Variants in FOXF2 observed in about 807,000 individuals in gnomAD.
FOXF2 encodes the protein forkhead box F2, also known as forkhead box protein F2.
Under a neutral mutation model 29.1 loss-of-function variants are expected in FOXF2, and 15 were observed. The ratio of observed to expected loss-of-function variants is 0.52; its 90% CI spans 0.35 to 0.79. The LOEUF (loss-of-function observed/expected upper bound fraction) is 0.79, where lower values mean the gene tolerates loss of function less well. FOXF2 is among the 30% of genes least tolerant of loss of function. The probability of loss-of-function intolerance (pLI) is 0.01; values close to 1 mark genes in which losing one functional copy is unlikely to be tolerated. For missense variants in FOXF2, 675 were observed against 667.1 expected (o/e 1.01, Z -0.13); for synonymous variants, 337 against 316.5 (o/e 1.06, Z -0.69).
rs2113367199 is a variant in FOXF2, at chr6:1,390,089, T to C, written c.142T>C (p.Ser48Pro). Residue 48 changes from serine (S) to proline (P), a missense_variant, in exon 1 of 2, where the codon TCC becomes CCC. This residue lies in a region of FOXF2 where 220 missense variants were observed against 205.5 expected (regional missense o/e 1.07). Transcript: ENST00000645481. The surrounding 1 kb of genome is among the most constrained non-coding windows in gnomAD (Gnocchi z 8.5). ...AAAAPETTSS[S>P]SSSSSASCAS... The stretch of plus-strand genomic sequence containing the variant: ...CGCCGCCCCGGAGACCACCTCCTCC[T>C]CCTCGTCGTCGTCCTCCGCCTCCTG... The C allele has an allele frequency of 7.7e-6, 11 of 1,421,570 alleles. No homozygotes were observed. The highest frequency in any genetic ancestry group is 2.3e-4 in the Middle Eastern group (1 of 4,364). The allele number at this position is 1,421,570 out of a possible 1,614,324, so 88.1% of individuals were successfully genotyped here. A position where few individuals can be genotyped will look rare whatever the true frequency, so the allele number is the denominator to read the frequency against.
In FOXF2 at chr6:1,390,671, G is replaced by T. The variant is rs1459777664; in HGVS notation, c.724G>T (p.Gly242Cys). 4.5e-6 allele frequency: 7 copies of T among 1,539,970 alleles called. No individual in the cohort carries two copies. The highest frequency in any genetic ancestry group is 1.4e-5 in the African/African-American group (1 of 70,916). ...SAPLGCHSQG[G>C]YGGLDMMPAG... is the part of the protein sequence containing the mutation. ...GCCGCTCGGCTGCCACAGCCAGGGC[G>T]GCTACGGCGGCCTCGACATGATGCC... The change falls in exon 1 of 2, where the codon GGC becomes TGC. Residue 242 changes from glycine (G) to cysteine (C), a missense_variant. Around this residue, in one of 3 missense-constraint regions of FOXF2, gnomAD observed 451 missense variants for 437.2 expected, o/e 1.03. Coordinates refer to ENST00000645481, the MANE Select transcript of FOXF2 (RefSeq NM_001452.2). This position sits in a 1 kb window ranked among gnomAD's most constrained non-coding sequence, Gnocchi z 8.5.
At chr6:1,393,003 C>T (rs74816969) in intron 1 of FOXF2, among the ~76,000 whole-genome samples, 3 of 152,200 alleles carry the variant, frequency 2.0e-5, no homozygotes, top group African/African-American at 2.4e-5. Flanking sequence ...GGAGCGCCAG[C>T]GGTGGAGGCT....
Position 1,390,135 on chromosome 6 carries a change from C to G in FOXF2, c.188C>G (p.Ser63Cys). 2 of 1,452,868 alleles carry G rather than the reference C, an allele frequency of 1.4e-6. No individual in the cohort carries two copies. The highest frequency in any genetic ancestry group is 1.8e-6 in the Non-Finnish European group (2 of 1,088,930). 90.0% of individuals were successfully genotyped at this position (1,452,868 alleles called of 1,614,324 possible). The change falls in exon 1 of 2, where the codon TCC becomes TGC. Residue 63 changes from serine to cysteine, a missense_variant. By Grantham distance (112) the Ser-to-Cys change is moderately radical. This residue lies in a region of FOXF2 where 220 missense variants were observed against 205.5 expected (regional missense o/e 1.07). Coordinates refer to ENST00000645481, the MANE Select transcript of FOXF2 (RefSeq NM_001452.2). This position sits in a 1 kb window ranked among gnomAD's most constrained non-coding sequence, Gnocchi z 8.5. ...SASCASSSSSSNSASAPSAAC... is the reference protein window; with the variant it reads ...SASCASSSSSCNSASAPSAAC... ...TCCTGCGCCTCGTCCTCGTCCTCCT[C>G]CAATTCGGCCAGCGCCCCCTCGGCT... is the stretch of plus-strand genomic sequence containing the variant.
At position 1,389,952 on chromosome 6, in the gene FOXF2, C is replaced by A; in HGVS notation, c.5C>A (p.Thr2Asn). 1 of 995,756 alleles carries A rather than the reference C, an allele frequency of 1.0e-6. No individual in the cohort carries two copies. The highest frequency in any genetic ancestry group is 1.2e-6 in the Non-Finnish European group (1 of 838,294). The allele number at this position is 995,756 out of a possible 1,614,324, so 61.7% of individuals were successfully genotyped here. The change falls in exon 1 of 2, where the codon ACC becomes AAC. Residue 2 changes from threonine to asparagine, a missense_variant. Coordinates refer to ENST00000645481, the MANE Select transcript of FOXF2 (RefSeq NM_001452.2). M[T>N]TEGGPPPAPL... ...GGCCTCGCTCCCGGGTCCCAGATGA[C>A]CACCGAGGGCGGGCCGCCGCCGGCC...
intron 1 of FOXF2, 78 bp from the exon 2 acceptor site, chr6:1,394,618 C>A: frequency 6.9e-7 from 1 of 1,447,604 alleles, no homozygotes; most frequent in Non-Finnish European, 9.7e-7. Flanking sequence ...CTTTTGTACT[C>A]TGAGGCAAAA....
rs764942770 is a variant in FOXF2 at position 1,390,338 on chromosome 6, C to A, written c.391C>A (p.Gln131Lys). The A allele has an allele frequency of 1.2e-6, 2 of 1,613,226 alleles. No individual in the cohort carries two copies. Among genetic ancestry groups the A allele is most frequent in the East Asian group, 2.2e-5 (1 of 44,850 alleles). ...LTLSEIYQFL[Q>K]ARFPFFRGAY... Reference sequence around the variant, plus strand: ...GCTCAGCGAGATCTACCAGTTCCTGCAGGCGCGCTTCCCCTTCTTCCGCGG... The same window carrying A: ...GCTCAGCGAGATCTACCAGTTCCTGAAGGCGCGCTTCCCCTTCTTCCGCGG... Residue 131 changes from glutamine to lysine, a missense_variant, in exon 1 of 2, where the codon CAG (glutamine) becomes AAG (lysine). Gln to Lys is a moderately conservative substitution (Grantham distance 53). This residue lies in a region of FOXF2 where 220 missense variants were observed against 205.5 expected (regional missense o/e 1.07). Coordinates refer to ENST00000645481, the MANE Select transcript of FOXF2 (RefSeq NM_001452.2). The surrounding 1 kb of genome is among the most constrained non-coding windows in gnomAD (Gnocchi z 8.5).
At chr6:1,392,190 C>T (rs1758802969) in intron 1 of FOXF2, among the ~76,000 whole-genome samples, 1 of 152,098 alleles carries the variant, frequency 6.6e-6, no homozygotes, top group South Asian at 2.1e-4. Flanking sequence ...AGAAGGAAAG[C>T]CCAGAAATGG....
rs1758868455 is a variant in FOXF2 at position 1,394,784 on chromosome 6, T to C, written c.1260T>C (p.His420=). 7.4e-6 allele frequency: 12 copies of C among 1,613,990 alleles called. No individual in the cohort carries two copies. Among genetic ancestry groups the C allele is most frequent in the Non-Finnish European group, 1.0e-5 (12 of 1,179,998 alleles). ...VLNFNGISSF[H]PSASGSYYHH... ...ACTTCAATGGGATTTCTTCTTTCCA[T>C]CCCTCAGCTAGCGGGTCGTATTATC... Residue 420 remains histidine (H), a synonymous_variant, in exon 2 of 2, where the codon CAT becomes CAC. Coordinates refer to ENST00000645481, the MANE Select transcript of FOXF2 (RefSeq NM_001452.2).
chr6:1,390,700 G>T lies in FOXF2; in HGVS notation c.753G>T (p.Ala251=). 1 of 1,473,302 alleles carries T rather than the reference G, an allele frequency of 6.8e-7. No individual in the cohort carries two copies. Among genetic ancestry groups the T allele is most frequent in the Admixed American group, 2.6e-5 (1 of 38,970 alleles). The allele number at this position is 1,473,302 out of a possible 1,614,324, so 91.3% of individuals were successfully genotyped here. The change falls in exon 1 of 2, where the codon GCG becomes GCT. Residue 251 remains alanine, a synonymous_variant. Coordinates refer to ENST00000645481, the MANE Select transcript of FOXF2 (RefSeq NM_001452.2). This position sits in a 1 kb window ranked among gnomAD's most constrained non-coding sequence, Gnocchi z 8.5. ...GGYGGLDMMP[A]GYDAGAGAPS... ...ACGGCGGCCTCGACATGATGCCCGC[G>T]GGCTACGACGCCGGCGCGGGCGCCC...
In FOXF2 at chr6:1,390,991, C is replaced by T. The variant is rs770865633; in HGVS notation, c.1044C>T (p.Tyr348=). The T allele has an allele frequency of 6.3e-7, 1 of 1,596,580 alleles. No individual in the cohort carries two copies. Among genetic ancestry groups the T allele is most frequent in the East Asian group, 2.2e-5 (1 of 44,650 alleles). ...GGAGCTCGCCTGGCGCCTCGCCTTA[C>T]CTCAAGCAGCCGCCTGCCCTGACGC... The part of the protein sequence containing the change: ...AHWSSPGASP[Y]LKQPPALTPS... Residue 348 remains tyrosine (Y), a synonymous_variant, in exon 1 of 2, where the codon TAC becomes TAT. Transcript: ENST00000645481. This position sits in a 1 kb window ranked among gnomAD's most constrained non-coding sequence, Gnocchi z 8.5.
rs1363118362 is a variant in FOXF2, at chr6:1,390,874, G to C, written c.927G>C (p.Gly309=). ...GGGGCGGCGGCGGCGGCGACTACGGGCCGGACAGCAGCAGCAGCCCGGTAC... is the reference window on the plus strand; with the variant it reads ...GGGGCGGCGGCGGCGGCGACTACGGCCCGGACAGCAGCAGCAGCCCGGTAC... ...AAGGGGGGDY[G]PDSSSSPVPS... is the part of the protein sequence containing the mutation. The change falls in exon 1 of 2, where the codon GGG becomes GGC. Residue 309 remains glycine (G), a synonymous_variant. Coordinates refer to ENST00000645481, the MANE Select transcript of FOXF2 (RefSeq NM_001452.2). The surrounding 1 kb of genome is among the most constrained non-coding windows in gnomAD (Gnocchi z 8.5). 1.3e-6 allele frequency: 2 copies of C among 1,521,050 alleles called. No homozygotes were observed. The highest frequency in any genetic ancestry group is 1.8e-6 in the Non-Finnish European group (2 of 1,140,542). 94.2% of individuals were successfully genotyped at this position (1,521,050 alleles called of 1,614,324 possible).
intron 1 of FOXF2, among the ~76,000 whole-genome samples, chr6:1,394,400 C>A (rs1249644298): frequency 1.3e-5 from 2 of 152,152 alleles, no homozygotes; most frequent in Non-Finnish European, 2.9e-5. Context: ...TTAAAGTGCA[C>A]GCCCCAGCCT....
At chr6:1,394,410 T>A (rs981490991) in intron 1 of FOXF2, among the ~76,000 whole-genome samples, 1 of 152,108 alleles carries the variant, frequency 6.6e-6, no homozygotes, top group African/African-American at 2.4e-5. Context: ...CGCCCCAGCC[T>A]CAGAGAATAA....
rs201671814 is a variant in FOXF2 at position 1,391,072 on chromosome 6, G to T, written c.1125G>T (p.Ser375=). 1.1e-5 allele frequency: 17 copies of T among 1,603,272 alleles called. No individual in the cohort carries two copies. In the Middle Eastern group the frequency reaches 5.0e-4, roughly 47 times the overall value. ...AGLHSSMSSY[S]LEQSYLHQNA... The stretch of plus-strand genomic sequence containing the variant: ...TGCACTCCAGCATGTCCTCCTACTC[G>T]CTGGAGCAGAGCTACTTGCACCAGA... Residue 375 remains serine (S), a synonymous_variant, in exon 1 of 2, where the codon TCG becomes TCT. Coordinates refer to ENST00000645481, the MANE Select transcript of FOXF2 (RefSeq NM_001452.2).
chr6:1,390,639 C>G lies in FOXF2; in HGVS notation c.692C>G (p.Pro231Arg). The stretch of plus-strand genomic sequence containing the variant: ...CAGGGCTTCGACTTCCAGGCGCCCC[C>G]GTCGGCGCCGCTCGGCTGCCACAGC... The part of the protein sequence containing the change: ...LPQGFDFQAP[P>R]SAPLGCHSQG... The change falls in exon 1 of 2, where the codon CCG (proline) becomes CGG (arginine). Residue 231 changes from proline (P) to arginine (R), a missense_variant. Pro to Arg is a moderately radical substitution (Grantham distance 103). Transcript: ENST00000645481. The surrounding 1 kb of genome is among the most constrained non-coding windows in gnomAD (Gnocchi z 8.5). 5 of 1,578,156 alleles carry G rather than the reference C, an allele frequency of 3.2e-6. No individual in the cohort carries two copies. Among genetic ancestry groups the G allele is most frequent in the Non-Finnish European group, 4.3e-6 (5 of 1,170,658 alleles).
chr6:1,394,634 C>A, intron 1 of FOXF2, 62 bp from the exon 2 acceptor site: 3 of 1,539,376 alleles, frequency 1.9e-6, no homozygotes, highest in South Asian at 1.1e-5. Context: ...CAAAATAAGA[C>A]ACCCTGCCAT....
rs773111068 is a variant in FOXF2 at position 1,390,587 on chromosome 6, T to C, written c.640T>C (p.Leu214=). 2.5e-6 allele frequency: 4 copies of C among 1,598,344 alleles called. No individual in the cohort carries two copies. The highest frequency in any genetic ancestry group is 2.7e-5 in the African/African-American group (2 of 74,590). The change falls in exon 1 of 2, where the codon TTG becomes CTG. Residue 214 remains leucine (L), a synonymous_variant. Coordinates refer to ENST00000645481, the MANE Select transcript of FOXF2 (RefSeq NM_001452.2). The surrounding 1 kb of genome is among the most constrained non-coding windows in gnomAD (Gnocchi z 8.5). ...KPMYHRVVSG[L]GFGASLLPQG... is the part of the protein sequence containing the mutation. Reference sequence around the variant, plus strand: ...CATGTACCACCGCGTGGTGAGCGGCTTGGGCTTCGGGGCGTCGCTGCTGCC... The same window carrying C: ...CATGTACCACCGCGTGGTGAGCGGCCTGGGCTTCGGGGCGTCGCTGCTGCC...
At position 1,390,452 on chromosome 6, in the gene FOXF2, G is replaced by A. The variant is rs139305490; in HGVS notation, c.505G>A (p.Gly169Ser). 71 of 1,611,954 alleles carry A rather than the reference G, an allele frequency of 4.4e-5. No individual in the cohort carries two copies. In the African/African-American group the frequency reaches 8.8e-4, roughly 20 times the overall value. Reference sequence around the variant, plus strand: ...GCTGCCTAAGGGCCTCGGGCGGCCCGGCAAGGGCCACTACTGGACCATCGA... The same window carrying A: ...GCTGCCTAAGGGCCTCGGGCGGCCCAGCAAGGGCCACTACTGGACCATCGA... Reference protein sequence around the residue: ...IKLPKGLGRPGKGHYWTIDPA... With the variant: ...IKLPKGLGRPSKGHYWTIDPA... Residue 169 changes from glycine to serine, a missense_variant, in exon 1 of 2, where the codon GGC becomes AGC. Transcript: ENST00000645481. This position sits in a 1 kb window ranked among gnomAD's most constrained non-coding sequence, Gnocchi z 8.5.
rs777435959 is a variant in FOXF2, at chr6:1,395,124, G to T, written c.*265G>T. Reference sequence around the variant, plus strand: ...AGGGCAGACTCAGGTGGGAAGATGTGCCATGCGTAAGGCATCAACGTGTAT... The same window carrying T: ...AGGGCAGACTCAGGTGGGAAGATGTTCCATGCGTAAGGCATCAACGTGTAT... On this transcript the variant is annotated 3_prime_UTR_variant, in exon 2 of 2. Transcript: ENST00000645481. 6 of 530,154 alleles carry T rather than the reference G, an allele frequency of 1.1e-5. No homozygotes were observed. Among genetic ancestry groups the T allele is most frequent in the Non-Finnish European group, 1.7e-5 (5 of 292,786 alleles). The allele number at this position is 530,154 out of a possible 1,614,324, so 32.8% of individuals were successfully genotyped here.
Sources: gnomAD v4.1 joint callset for allele counts (sites outside exome capture counted in the v4.1 genomes callset) on GRCh38, gnomAD v4.1.1 for gene constraint, gnomAD v4.1.1 regional missense constraint, Gnocchi (gnomAD v3.1) non-coding constraint, MANE v1.5 for transcripts, NCBI Gene and HGNC (gene_info 2026-07-23, HGNC 2026-07-21) for gene names.